The following CACNA1A variants were observed in gnomAD, a reference collection of about 807,000 sequenced individuals.
CACNA1A encodes voltage-dependent P/Q-type calcium channel subunit alpha-1A.
In CACNA1A, 57 loss-of-function variants were observed where a neutral mutation model predicts 262.4. That is an observed-to-expected ratio of 0.22 (90% CI 0.18 to 0.27). The LOEUF is 0.27. CACNA1A is among the 10% of genes least tolerant of loss of function. The pLI, the probability that CACNA1A is intolerant of heterozygous loss-of-function variation, is 1.00. For synonymous variants in CACNA1A, 1,431 were observed against 1,419.3 expected, an observed-to-expected ratio of 1.01 and a Z score of -0.18; for missense variants, 2,526 against 3,562.8, an observed-to-expected ratio of 0.71 and a Z score of 7.41.
intron 1 of CACNA1A, among the ~76,000 whole-genome samples, chr19:13,463,145 TA>T (rs112868135): frequency 0.033 from 4,709 of 141,202 alleles, 105 homozygotes; most frequent in Admixed American, 0.082. Context: ...TGCCTTTATT[TA>T]AAAAAAAAAA....
intron 23 of CACNA1A, among the ~76,000 whole-genome samples, chr19:13,276,697 CTTTTTTTTT>C (rs33970596): frequency 0.021 from 2,629 of 125,448 alleles, 90 homozygotes; most frequent in African/African-American, 0.072. Flanking sequence ...AATCCCAGCT[CTTTTTTTTT>C]TTTTTTTTTT....
chr19:13,294,450 A>G, intron 19 of CACNA1A, among the ~76,000 whole-genome samples: 1 of 142,786 alleles, frequency 7.0e-6, no homozygotes, highest in Admixed American at 7.1e-5. Flanking sequence ...CAGCCTCCTG[A>G]GTAGCTGGGA....
intron 6 of CACNA1A, among the ~76,000 whole-genome samples, chr19:13,356,951 A>G (rs1298205405): frequency 6.6e-6 from 1 of 152,182 alleles, no homozygotes; most frequent in Non-Finnish European, 1.5e-5. Flanking sequence ...CGAGGTTTTC[A>G]TGCAAATTAG....
At chr19:13,305,572 T>C (rs1053492153) in intron 15 of CACNA1A, among the ~76,000 whole-genome samples, 2 of 152,190 alleles carry the variant, frequency 1.3e-5, no homozygotes, top group Admixed American at 6.5e-5. Context: ...ATTATTCTAT[T>C]TGGGGCTGTC....
At chr19:13,382,580 G>C (rs2059542409) in intron 3 of CACNA1A, among the ~76,000 whole-genome samples, 1 of 152,204 alleles carries the variant, frequency 6.6e-6, no homozygotes, top group Non-Finnish European at 1.5e-5. Flanking sequence ...CTAGAGGCTG[G>C]GTCTTGTCCT....
chr19:13,293,078 T>C (rs893897589), intron 19 of CACNA1A, among the ~76,000 whole-genome samples: 1 of 152,212 alleles, frequency 6.6e-6, no homozygotes, highest in Non-Finnish European at 1.5e-5. Flanking sequence ...AGGAACCATC[T>C]GTGGGATTTG....
intron 3 of CACNA1A, among the ~76,000 whole-genome samples, chr19:13,440,686 A>G (rs2144876720): frequency 6.6e-6 from 1 of 152,280 alleles, no homozygotes; most frequent in South Asian, 2.1e-4. Flanking sequence ...GGACTATATC[A>G]CTTTCTCTTT....
At chr19:13,500,507 C>T (rs1001789709) in intron 1 of CACNA1A, among the ~76,000 whole-genome samples, 1 of 152,252 alleles carries the variant, frequency 6.6e-6, no homozygotes, top group African/African-American at 2.4e-5. Flanking sequence ...CATAGATCCA[C>T]ATCCTTAATC....
chr19:13,277,450 G>A (rs371426395), intron 22 of CACNA1A: 6 of 213,458 alleles, frequency 2.8e-5, no homozygotes, highest in African/African-American at 6.9e-5. Flanking sequence ...GATTAGAAGC[G>A]GCCCCAGAGA....
intron 12 of CACNA1A, among the ~76,000 whole-genome samples, chr19:13,309,256 C>T (rs1053523175): frequency 2.0e-5 from 3 of 152,106 alleles, no homozygotes; most frequent in African/African-American, 7.2e-5. Context: ...GATCCGCCTG[C>T]CTCGGCCTCC....
rs954357620 is a variant in CACNA1A, at chr19:13,262,590, T to G, written c.4089+144A>C. On this transcript the variant is annotated intron_variant, in intron 25 of 46. Transcript: ENST00000360228. ...ACTGCCATCTGCTGGGAAGTTGTAA[T>G]AATACAAATATCCATACACGATGGC... 4.8e-6 allele frequency: 3 copies of G among 629,406 alleles called. No individual in the cohort carries two copies. In the African/African-American group the frequency reaches 5.5e-5, roughly 11 times the overall value. The allele number at this position is 629,406 out of a possible 1,614,324, so 39.0% of individuals were successfully genotyped here. A position where few individuals can be genotyped will look rare whatever the true frequency, so the allele number is the denominator to read the frequency against.
At chr19:13,265,114 A>C (rs188156188) in intron 24 of CACNA1A, among the ~76,000 whole-genome samples, 26 of 152,182 alleles carry the variant, frequency 1.7e-4, no homozygotes, top group Non-Finnish European at 3.4e-4. Flanking sequence ...ACCTCAAGTA[A>C]TCCACTGGCC....
In CACNA1A at chr19:13,308,965, CAT is replaced by C. The variant is rs1484216850; in HGVS notation, c.1669-439_1669-438del. Reference sequence around the variant, plus strand: ...AACTGTTGGCCTCCACTTTCCAAAGCATTGAGCCACTGCACCCGGCCTCTTAT... The same window carrying C: ...AACTGTTGGCCTCCACTTTCCAAAGCTGAGCCACTGCACCCGGCCTCTTAT... On this transcript the variant is annotated intron_variant, in intron 12 of 46. Coordinates refer to ENST00000360228, the MANE Select transcript of CACNA1A (RefSeq NM_001127222.2). The surrounding 1 kb of genome is among the most constrained non-coding windows in gnomAD (Gnocchi z 4.2). 1 of 153,158 alleles carries C rather than the reference CAT, an allele frequency of 6.5e-6. No individual in the cohort carries two copies. The highest frequency in any genetic ancestry group is 2.4e-5 in the African/African-American group (1 of 41,486). 9.5% of individuals were successfully genotyped at this position (153,158 alleles called of 1,614,324 possible). A position where few individuals can be genotyped will look rare whatever the true frequency, so the allele number is the denominator to read the frequency against.
Position 13,298,683 on chromosome 19 carries a change from G to C in CACNA1A, c.2950C>G (p.Arg984Gly), listed in dbSNP as rs768873463. 1.4e-6 allele frequency: 2 copies of C among 1,466,806 alleles called. No individual in the cohort carries two copies. The highest frequency in any genetic ancestry group is 2.7e-5 in the South Asian group (2 of 73,470). The allele number at this position is 1,466,806 out of a possible 1,614,324, so 90.9% of individuals were successfully genotyped here. A position where few individuals can be genotyped will look rare whatever the true frequency, so the allele number is the denominator to read the frequency against. Residue 984 changes from arginine to glycine, a missense_variant, in exon 19 of 47, where the codon CGG (arginine) becomes GGG (glycine). Coordinates refer to ENST00000360228, the MANE Select transcript of CACNA1A (RefSeq NM_001127222.2). ...TCGCCCTCGCCGCCCCGGGCCGGCC[G>C]GCTGCCCTCGCGGTGCCGCGCCCTC... ...ERRARHREGS[R>G]PARGGEGEGE...
In CACNA1A at chr19:13,308,650, G is replaced by C; in HGVS notation, c.1669-122C>G. 1 of 607,046 alleles carries C rather than the reference G, an allele frequency of 1.6e-6. No homozygotes were observed. 37.6% of individuals were successfully genotyped at this position (607,046 alleles called of 1,614,324 possible). On this transcript the variant is annotated intron_variant, in intron 12 of 46. Transcript: ENST00000360228. The surrounding 1 kb of genome is among the most constrained non-coding windows in gnomAD (Gnocchi z 4.2). ...AACTCCTCCCTCCAAATGGAAGCCG[G>C]GTGAGGATCCTTGACCCCCTCATTC...
At chr19:13,498,002 A>G (rs562823254) in intron 1 of CACNA1A, among the ~76,000 whole-genome samples, 1 of 151,782 alleles carries the variant, frequency 6.6e-6, no homozygotes, top group South Asian at 2.1e-4. Flanking sequence ...TCCTCCTTAC[A>G]GCCTCCACTG....
At chr19:13,320,546 G>C (rs896506801) in intron 10 of CACNA1A, among the ~76,000 whole-genome samples, 1 of 151,966 alleles carries the variant, frequency 6.6e-6, no homozygotes, top group Non-Finnish European at 1.5e-5. Context: ...GCCAGCCATT[G>C]AGAAAGTCCT....
intron 36 of CACNA1A, chr19:13,228,801 A>G: frequency 6.5e-7 from 1 of 1,533,064 alleles, no homozygotes; most frequent in Non-Finnish European, 8.9e-7. Flanking sequence ...GACCGCTGAA[A>G]GGAGAAGAAA....
intron 22 of CACNA1A, 118 bp downstream of exon 22, chr19:13,283,149 G>T: frequency 1.6e-6 from 2 of 1,229,774 alleles, no homozygotes; most frequent in Admixed American, 2.2e-5. Flanking sequence ...CAGCCATAAG[G>T]GCTATGCCTA....
Sources: allele counts gnomAD v4.1 joint callset (sites outside exome capture counted in the v4.1 genomes callset), GRCh38; gene constraint gnomAD v4.1.1; non-coding constraint Gnocchi (gnomAD v3.1); transcripts MANE v1.5; gene names NCBI Gene and HGNC (gene_info 2026-07-23, HGNC 2026-07-21).